Variants in SAMSN1 observed in about 807,000 individuals in gnomAD.
The protein encoded by SAMSN1 is SAM domain, SH3 domain and nuclear localization signals 1, also known as SAM domain-containing protein SAMSN-1.
SAMSN1 carries 31 observed loss-of-function variants against 42.0 expected under a neutral mutation model. That is an observed-to-expected ratio of 0.74 (90% CI 0.55 to 1.00). SAMSN1 has a LOEUF of 1.00. SAMSN1 is among the 50% of genes least tolerant of loss of function. The pLI is 0.00. For synonymous variants in SAMSN1, 178 were observed against 151.9 expected (o/e 1.17, Z -1.26); for missense variants, 464 against 439.4 (o/e 1.06, Z -0.50).
chr21:14,634,317 G>T (rs924497989), intron 2 of SAMSN1, among the ~76,000 whole-genome samples: 1 of 152,086 alleles, frequency 6.6e-6, no homozygotes, highest in Non-Finnish European at 1.5e-5. Flanking sequence ...TGACAAATGG[G>T]ATCTAATTAA....
chr21:14,520,283 T>C (rs908867199), intron 2 of SAMSN1, among the ~76,000 whole-genome samples: 4 of 152,368 alleles, frequency 2.6e-5, no homozygotes, highest in Admixed American at 6.5e-5. Context: ...ATTGAGCAGC[T>C]GTATGCTCTC....
Position 14,524,328 on chromosome 21 carries a change from TTA to T in SAMSN1, c.58-3109_58-3108del, listed in dbSNP as rs757577297. Among the ~76,000 whole-genome samples the T allele has an allele frequency of 7.2e-5, 11 of 152,252 alleles. No individual in the cohort carries two copies. The East Asian group carries it at 1.5e-3, about 21-fold the overall frequency. On this transcript the variant is annotated intron_variant, in intron 1 of 7. Transcript: ENST00000400566. Reference sequence around the variant, plus strand: ...TGTATTAGACTTAGTAAATATTATCTTATGACAGAAGTTCTTATCAAGACAGA... The same window carrying T: ...TGTATTAGACTTAGTAAATATTATCTTGACAGAAGTTCTTATCAAGACAGA...
At chr21:14,501,738 A>G (rs982719994) in intron 5 of SAMSN1, among the ~76,000 whole-genome samples, 2 of 152,324 alleles carry the variant, frequency 1.3e-5, no homozygotes, top group African/African-American at 2.4e-5. Flanking sequence ...ATGCTACTTA[A>G]TTCTTTTTAA....
Position 14,525,512 on chromosome 21 carries a change from G to T in SAMSN1, c.58-4291C>A, listed in dbSNP as rs527662231. ...AACATATTATCCAAGTATAATCCAT[G>T]AATCTTGTTTAAATATAGATCAAAT... On this transcript the variant is annotated intron_variant, in intron 1 of 7. Coordinates refer to ENST00000400566, the MANE Select transcript of SAMSN1 (RefSeq NM_022136.5). 4.6e-5 allele frequency among the ~76,000 whole-genome samples: 7 copies of T among 152,266 alleles called. No individual in the cohort carries two copies. In the South Asian group the frequency reaches 1.2e-3, roughly 27 times the overall value.
At chr21:14,635,900 TGCTGCACCCATCA>T (rs1271601333) in intron 2 of SAMSN1, among the ~76,000 whole-genome samples, 1 of 152,096 alleles carries the variant, frequency 6.6e-6, no homozygotes, top group Non-Finnish European at 1.5e-5. Context: ...CATGTTGGTT[TGCTGCACCCATCA>T]GCTCATCATT....
At chr21:14,655,343 A>G (rs1983899253) in intron 1 of SAMSN1, among the ~76,000 whole-genome samples, 1 of 151,804 alleles carries the variant, frequency 6.6e-6, no homozygotes, top group Non-Finnish European at 1.5e-5. Flanking sequence ...AAATACTACT[A>G]ATAGAAACTC....
intron 1 of SAMSN1, among the ~76,000 whole-genome samples, chr21:14,540,110 T>C (rs1446673078): frequency 6.6e-6 from 1 of 152,144 alleles, no homozygotes; most frequent in Non-Finnish European, 1.5e-5. Flanking sequence ...TGAAACTGGA[T>C]CCCTTCCTTA....
chr21:14,502,366 C>T (rs1429891291), intron 5 of SAMSN1, among the ~76,000 whole-genome samples: 1 of 152,198 alleles, frequency 6.6e-6, no homozygotes, highest in East Asian at 1.9e-4. Context: ...GGAAACCCTT[C>T]ACTGCATCCT....
At chr21:14,551,183 A>G (rs1980583348), upstream of SAMSN1, among the ~76,000 whole-genome samples, 4 of 152,216 alleles carry the variant, frequency 2.6e-5, no homozygotes, top group South Asian at 8.3e-4. Context: ...ATATCTTGGG[A>G]AGCCTCTTAG....
intron 6 of SAMSN1, among the ~76,000 whole-genome samples, chr21:14,595,846 A>C (rs1251263632): frequency 6.6e-6 from 1 of 152,150 alleles, no homozygotes; most frequent in Non-Finnish European, 1.5e-5. Flanking sequence ...TGCAACAAGT[A>C]CTAAGTGGTT....
Position 14,553,322 on chromosome 21 carries a change from T to G in SAMSN1, c.261+28814A>C, listed in dbSNP as rs1014056635. 3.3e-5 allele frequency among the ~76,000 whole-genome samples: 5 copies of G among 152,190 alleles called. No individual in the cohort carries two copies. In the East Asian group the frequency reaches 9.6e-4, roughly 29 times the overall value. On this transcript the variant is annotated intron_variant, in intron 2 of 8. Transcript: ENST00000285670. ...TTGGAATTAATAACTGTCTTTCTTT[T>G]TATATGATTGGTTCTCTATATATTG...
intron 2 of SAMSN1, among the ~76,000 whole-genome samples, chr21:14,562,736 C>T (rs903793742): frequency 6.6e-6 from 1 of 151,924 alleles, no homozygotes; most frequent in Non-Finnish European, 1.5e-5. Context: ...GAATTCATAT[C>T]CATATCTTGA....
chr21:14,488,599 A>G (rs1042798487), intron 7 of SAMSN1, among the ~76,000 whole-genome samples: 2 of 152,206 alleles, frequency 1.3e-5, no homozygotes, highest in Non-Finnish European at 2.9e-5. Context: ...AATATTAGTA[A>G]CAAAAATGTA....
chr21:14,605,847 TA>T (rs1478349339), intron 5 of SAMSN1, among the ~76,000 whole-genome samples: 7 of 150,476 alleles, frequency 4.7e-5, no homozygotes, highest in Non-Finnish European at 7.4e-5. Context: ...TTTATTTATT[TA>T]TTTATTTTTT....
upstream of SAMSN1, among the ~76,000 whole-genome samples, chr21:14,587,481 C>T (rs1238774026): frequency 1.3e-5 from 2 of 151,030 alleles, no homozygotes; most frequent in Non-Finnish European, 3.0e-5. Flanking sequence ...TTTTTTGGCC[C>T]TTCCCTCTAT....
At chr21:14,649,253 C>T in intron 1 of SAMSN1, among the ~76,000 whole-genome samples, 1 of 124,624 alleles carries the variant, frequency 8.0e-6, no homozygotes. Flanking sequence ...AGGGGAACAT[C>T]ATACTCTGGG....
intron 2 of SAMSN1, among the ~76,000 whole-genome samples, chr21:14,520,241 T>C (rs1017956192): frequency 3.3e-5 from 5 of 152,216 alleles, no homozygotes; most frequent in Admixed American, 2.6e-4. Context: ...ACCAATGGGA[T>C]GTTTCAGTGT....
rs944742982 is a variant in SAMSN1, at chr21:14,616,844, A to C, written c.157-828T>G. ...AATGCTAAGGCTAAAAGGAAAGGTGAATGGAAACCAGAAAAAGGAAGTTTG... is the reference window on the plus strand; with the variant it reads ...AATGCTAAGGCTAAAAGGAAAGGTGCATGGAAACCAGAAAAAGGAAGTTTG... On this transcript the variant is annotated intron_variant, in intron 2 of 15. Transcript: ENST00000647101. Among the ~76,000 whole-genome samples, 7 of 152,322 alleles carry C rather than the reference A, an allele frequency of 4.6e-5. No individual in the cohort carries two copies. In the South Asian group the frequency reaches 1.2e-3, roughly 27 times the overall value.
chr21:14,504,944 T>A (rs1217838651), intron 5 of SAMSN1, among the ~76,000 whole-genome samples: 1 of 152,224 alleles, frequency 6.6e-6, no homozygotes, highest in Non-Finnish European at 1.5e-5. Flanking sequence ...GACCCTGTCT[T>A]CAGCCTTCTC....
Sources: gnomAD v4.1 joint callset for allele counts (sites outside exome capture counted in the v4.1 genomes callset) on GRCh38, gnomAD v4.1.1 for gene constraint, MANE v1.5 for transcripts, NCBI Gene and HGNC (gene_info 2026-07-23, HGNC 2026-07-21) for gene names.